MACROD2: variants seen among roughly 807,000 people sequenced by gnomAD.
MACROD2 encodes mono-ADP ribosylhydrolase 2, also known as ADP-ribose glycohydrolase MACROD2.
Under a neutral mutation model 70.4 loss-of-function variants are expected in MACROD2, and 36 were observed. The observed-to-expected ratio is 0.51, with a 90% CI of 0.39 to 0.68. The LOEUF (loss-of-function observed/expected upper bound fraction) is 0.68, where lower values mean the gene tolerates loss of function less well. Among genes scored for constraint, MACROD2 ranks in the 30% least tolerant of loss-of-function variants. The pLI is 0.00. For synonymous variants in MACROD2, 172 were observed against 178.8 expected (o/e 0.96, Z 0.30); for missense variants, 496 against 538.4 (o/e 0.92, Z 0.78).
At chr20:15,457,350 G>A (rs1422644948) in intron 7 of MACROD2, among the ~76,000 whole-genome samples, 12 of 152,064 alleles carry the variant, frequency 7.9e-5, no homozygotes, top group East Asian at 1.9e-4. Context: ...CAAATTGACC[G>A]TACCAAATTG....
chr20:14,276,189 G>A (rs1001621512), intron 3 of MACROD2, among the ~76,000 whole-genome samples: 3 of 152,046 alleles, frequency 2.0e-5, no homozygotes, highest in Non-Finnish European at 4.4e-5. Context: ...TATGTTTATT[G>A]CAGCACTATT....
In MACROD2 at chr20:15,937,493, A is replaced by G. The variant is rs767224618; in HGVS notation, c.856A>G (p.Thr286Ala). The G allele has an allele frequency of 9.3e-6, 15 of 1,613,284 alleles. No individual in the cohort carries two copies. The African/African-American group carries it at 1.9e-4, about 20-fold the overall frequency. Residue 286 changes from threonine (T) to alanine (A), a missense_variant, in exon 12 of 18, where the codon ACT becomes GCT. Transcript: ENST00000684519. Reference protein sequence around the residue: ...SQDADGVNTVTVPGPASEEAV... With the variant: ...SQDADGVNTVAVPGPASEEAV... ...CTTTATAGATGGTGTCAACACTGTCACTGTGCCCGGCCCTGCTTCAGAAGA... is the reference window on the plus strand; with the variant it reads ...CTTTATAGATGGTGTCAACACTGTCGCTGTGCCCGGCCCTGCTTCAGAAGA...
At chr20:14,600,795 TC>T (rs1568692293) in intron 4 of MACROD2, among the ~76,000 whole-genome samples, 1 of 152,166 alleles carries the variant, frequency 6.6e-6, no homozygotes, top group African/African-American at 2.4e-5. Context: ...AGTGTGGCCT[TC>T]CCTGGTACTC....
At chr20:15,802,234 A>G (rs563771904) in intron 8 of MACROD2, among the ~76,000 whole-genome samples, 21 of 152,252 alleles carry the variant, frequency 1.4e-4, no homozygotes, top group Admixed American at 1.3e-3. Context: ...TTCCAATACT[A>G]TGTTGAATCA....
chr20:15,915,723 G>A (rs1200959941), intron 10 of MACROD2, among the ~76,000 whole-genome samples: 1 of 152,102 alleles, frequency 6.6e-6, no homozygotes, highest in African/African-American at 2.4e-5. Context: ...TGGCAGTGGT[G>A]TCTCAAAGAG....
At chr20:14,697,068 C>G (rs2071134620) in intron 5 of MACROD2, among the ~76,000 whole-genome samples, 2 of 152,202 alleles carry the variant, frequency 1.3e-5, no homozygotes, top group African/African-American at 4.8e-5. Flanking sequence ...TTTGGGAAAG[C>G]AGTCTGAGAG....
In MACROD2 at chr20:14,939,769, A is replaced by G. The variant is rs369855352; in HGVS notation, c.418+254810A>G. Among the ~76,000 whole-genome samples the G allele has an allele frequency of 1.2e-4, 18 of 152,002 alleles. No individual in the cohort carries two copies. The East Asian group carries it at 3.5e-3, about 29-fold the overall frequency. On this transcript the variant is annotated intron_variant, in intron 5 of 17. Coordinates refer to ENST00000684519, the MANE Select transcript of MACROD2 (RefSeq NM_001351661.2). ...TTCTTTCCCTTTTTTGGTGTTCTCT[A>G]CAATTTCTTTCATCAGTGTTTTATA...
intron 2 of MACROD2, among the ~76,000 whole-genome samples, chr20:14,065,095 C>G (rs3905132): frequency 0.37 from 56,577 of 152,058 alleles, 12,372 homozygotes; most frequent in South Asian, 0.52. Flanking sequence ...GTCAGTTCAA[C>G]CTCTGCACCT....
At chr20:14,390,508 A>G (rs1271414766) in intron 3 of MACROD2, among the ~76,000 whole-genome samples, 2 of 152,250 alleles carry the variant, frequency 1.3e-5, no homozygotes, top group Admixed American at 1.3e-4. Flanking sequence ...ACAGGGCTAC[A>G]GTAACCAAAA....
intron 5 of MACROD2, among the ~76,000 whole-genome samples, chr20:15,063,078 G>C (rs58227160): frequency 0.07 from 10,604 of 152,180 alleles, 403 homozygotes; most frequent in Middle Eastern, 0.17. Context: ...AACTCATGCA[G>C]CTTTATCTGC....
chr20:14,727,736 C>T (rs2071547031), intron 5 of MACROD2, among the ~76,000 whole-genome samples: 1 of 152,078 alleles, frequency 6.6e-6, no homozygotes. Context: ...GGTAGATCTG[C>T]AAGATTACTT....
chr20:14,630,380 A>G (rs1984442265), intron 4 of MACROD2, among the ~76,000 whole-genome samples: 1 of 152,236 alleles, frequency 6.6e-6, no homozygotes, highest in Admixed American at 6.5e-5. Flanking sequence ...TTTCTGCTTA[A>G]ACTTGTTGCA....
chr20:14,457,241 A>G (rs529225295), intron 3 of MACROD2, among the ~76,000 whole-genome samples: 18 of 152,036 alleles, frequency 1.2e-4, no homozygotes, highest in Middle Eastern at 3.4e-3. Flanking sequence ...TTAGTGAACT[A>G]TTTTCTAGTT....
intron 3 of MACROD2, among the ~76,000 whole-genome samples, chr20:14,440,887 G>A (rs2084114410): frequency 6.6e-6 from 1 of 152,086 alleles, no homozygotes; most frequent in South Asian, 2.1e-4. Flanking sequence ...AACATTAGAA[G>A]AGGGTGCCAC....
intron 3 of MACROD2, among the ~76,000 whole-genome samples, chr20:14,234,463 A>T (rs1056069777): frequency 2.0e-5 from 3 of 152,144 alleles, no homozygotes; most frequent in African/African-American, 7.2e-5. Flanking sequence ...GTAAGTACAT[A>T]TTTCCTGAAG....
intron 6 of MACROD2, among the ~76,000 whole-genome samples, chr20:15,316,867 A>T (rs541669163): frequency 2.0e-5 from 3 of 152,254 alleles, no homozygotes; most frequent in African/African-American, 7.2e-5. Flanking sequence ...CAATGACATG[A>T]AGTTAGAAAC....
chr20:14,001,036 G>C (rs1252661833), intron 1 of MACROD2, among the ~76,000 whole-genome samples: 1 of 152,040 alleles, frequency 6.6e-6, no homozygotes, highest in Non-Finnish European at 1.5e-5. Flanking sequence ...CCTGTCCTTT[G>C]TGAAGCAGCA....
At chr20:14,767,020 G>T (rs111721794) in intron 5 of MACROD2, among the ~76,000 whole-genome samples, 1 of 151,992 alleles carries the variant, frequency 6.6e-6, no homozygotes, top group Non-Finnish European at 1.5e-5. Flanking sequence ...TTAGATGTGC[G>T]AACAAACATT....
chr20:15,672,261 C>T (rs2049989844), intron 8 of MACROD2, among the ~76,000 whole-genome samples: 1 of 151,628 alleles, frequency 6.6e-6, no homozygotes, highest in Non-Finnish European at 1.5e-5. Flanking sequence ...ATTCTTCATT[C>T]CTCCTGTCAA....
Sources: allele counts gnomAD v4.1 joint callset (sites outside exome capture counted in the v4.1 genomes callset), GRCh38; gene constraint gnomAD v4.1.1; transcripts MANE v1.5; gene names NCBI Gene and HGNC (gene_info 2026-07-23, HGNC 2026-07-21).